The following PLEKHG1 variants were observed in gnomAD, a reference collection of about 807,000 sequenced individuals.
PLEKHG1 encodes the protein pleckstrin homology domain-containing family G member 1.
PLEKHG1 carries 44 observed loss-of-function variants against 100.8 expected under a neutral mutation model. The ratio of observed to expected loss-of-function variants is 0.44; its 90% CI spans 0.34 to 0.56. The LOEUF (loss-of-function observed/expected upper bound fraction) is 0.56, where lower values mean the gene tolerates loss of function less well. Among genes scored for constraint, PLEKHG1 ranks in the 20% least tolerant of loss-of-function variants. PLEKHG1 has a pLI of 0.01. For synonymous variants in PLEKHG1, 640 were observed against 662.5 expected, an observed-to-expected ratio of 0.97 and a Z score of 0.52; for missense variants, 1,545 against 1,720.9, an observed-to-expected ratio of 0.90 and a Z score of 1.81.
intron 3 of PLEKHG1, among the ~76,000 whole-genome samples, chr6:150,784,155 A>T (rs543504194): frequency 1.3e-5 from 2 of 152,358 alleles, no homozygotes; most frequent in South Asian, 2.1e-4. Context: ...GTTAGACCAC[A>T]CTTGGAGAAC....
Position 150,780,394 on chromosome 6 carries a change from G to A in PLEKHG1, c.513-5996G>A, listed in dbSNP as rs140923676. ...CTCCCAAAGTGTTGGGATTACAGGC[G>A]TGAGCCACTGCACCTGGCCCTCTGG... On this transcript the variant is annotated intron_variant, in intron 3 of 15. Coordinates refer to ENST00000358517, the Ensembl canonical transcript of PLEKHG1. Among the ~76,000 whole-genome samples, 37 of 152,148 alleles carry A rather than the reference G, an allele frequency of 2.4e-4. No individual in the cohort carries two copies. In the East Asian group the frequency reaches 3.9e-3, roughly 16 times the overall value.
At chr6:150,840,571 A>T in exon 16 of PLEKHG1, 1 of 1,614,218 alleles carries the variant, frequency 6.2e-7, no homozygotes, top group Non-Finnish European at 8.5e-7. Context: ...GGAGATGAAG[A>T]TGACTATGTG....
rs1776295036 is a variant in PLEKHG1, at chr6:150,600,457, C to T, written c.-204+440C>T. Among the ~76,000 whole-genome samples the T allele has an allele frequency of 6.6e-6, 1 of 152,144 alleles. No individual in the cohort carries two copies. Among genetic ancestry groups the T allele is most frequent in the South Asian group, 2.1e-4 (1 of 4,832 alleles). On this transcript the variant is annotated intron_variant, in intron 1 of 3. Transcript: ENST00000367326. The surrounding 1 kb of genome is among the most constrained non-coding windows in gnomAD (Gnocchi z 6.2). ...CCGACTCAGCAGGACAGCCCCAGAA[C>T]GGGACCCCACAGCCAGTCAGCTGGG...
rs1776638049 is a variant in PLEKHG1, at chr6:150,607,218, C to T, written c.-204+7201C>T. On this transcript the variant is annotated intron_variant, in intron 1 of 3. Transcript: ENST00000367326. The stretch of plus-strand genomic sequence containing the variant: ...TAGCCAGGATGATTTAAGGCCGTCT[C>T]TGACCTGTGACTAGCAAGCTGATTG... Among the ~76,000 whole-genome samples the T allele has an allele frequency of 2.0e-5, 3 of 152,154 alleles. No homozygotes were observed. The South Asian group carries it at 6.2e-4, about 32-fold the overall frequency.
exon 15 of PLEKHG1, chr6:150,832,123 G>A (rs776516678): frequency 1.1e-5 from 17 of 1,613,786 alleles, no homozygotes; most frequent in Non-Finnish European, 1.3e-5. Flanking sequence ...TGGAGCAGCC[G>A]CCGGCCAGTC....
chr6:150,629,430 G>A (rs1050134221), intron 1 of PLEKHG1, among the ~76,000 whole-genome samples: 1 of 151,930 alleles, frequency 6.6e-6, no homozygotes, highest in African/African-American at 2.4e-5. Flanking sequence ...TTTAAGACAT[G>A]TGACAAAGGA....
chr6:150,800,718 G>T lies in PLEKHG1; in HGVS notation c.630-1G>T. ...GATAAAAACATGGACTCTTCCTGCA[G>T]GTCCGTGGCTGTGCTAACAGAGTGT... On this transcript the variant is annotated splice_acceptor_variant, in intron 5 of 15. Transcript: ENST00000358517. LOFTEE classifies it high-confidence loss of function. 1.2e-6 allele frequency: 2 copies of T among 1,613,242 alleles called. No homozygotes were observed. Among genetic ancestry groups the T allele is most frequent in the Non-Finnish European group, 1.7e-6 (2 of 1,179,488 alleles).
chr6:150,673,015 A>G (rs1370630130), intron 3 of PLEKHG1, among the ~76,000 whole-genome samples: 1 of 152,222 alleles, frequency 6.6e-6, no homozygotes, highest in African/African-American at 2.4e-5. Flanking sequence ...TGCATTATAT[A>G]AACAAACACC....
At chr6:150,617,790 C>T (rs958806265) in intron 1 of PLEKHG1, among the ~76,000 whole-genome samples, 2 of 152,204 alleles carry the variant, frequency 1.3e-5, no homozygotes, top group African/African-American at 2.4e-5. Flanking sequence ...GGACATTTGA[C>T]AGACAAACCT....
chr6:150,663,439 T>C (rs370722807), intron 3 of PLEKHG1: 133 of 152,296 alleles, frequency 8.7e-4, no homozygotes, highest in African/African-American at 3.1e-3. Flanking sequence ...CTTAGATTTA[T>C]AGTGCAATGA....
chr6:150,832,885 C>G (rs374089481), intron 15 of PLEKHG1, among the ~76,000 whole-genome samples: 7 of 151,812 alleles, frequency 4.6e-5, no homozygotes, highest in African/African-American at 1.7e-4. Context: ...ACCATGTTGC[C>G]CAGGCTGGTC....
chr6:150,639,276 C>T (rs372064382), intron 2 of PLEKHG1, among the ~76,000 whole-genome samples: 87 of 152,156 alleles, frequency 5.7e-4, no homozygotes, highest in South Asian at 4.6e-3. Flanking sequence ...CTTATTAATG[C>T]ATTAATTTTT....
chr6:150,675,487 C>G (rs1332312474), intron 3 of PLEKHG1, among the ~76,000 whole-genome samples: 2 of 152,238 alleles, frequency 1.3e-5, no homozygotes, highest in Non-Finnish European at 2.9e-5. Context: ...GGAGATCCTC[C>G]CTACAACCTT....
Position 150,614,182 on chromosome 6 carries a change from A to G in PLEKHG1, c.-204+14165A>G, listed in dbSNP as rs571124232. Among the ~76,000 whole-genome samples the G allele has an allele frequency of 9.8e-5, 15 of 152,292 alleles. No homozygotes were observed. In the South Asian group the frequency reaches 3.1e-3, roughly 32 times the overall value. ...TGTGGCAGAGACGTACGATAGCTCT[A>G]ATGTTTATGAGTGCTGTAGAGCTAA... On this transcript the variant is annotated intron_variant, in intron 1 of 3. Transcript: ENST00000367326.
chr6:150,746,150 G>C (rs116469447), intron 2 of PLEKHG1, among the ~76,000 whole-genome samples: 1 of 152,098 alleles, frequency 6.6e-6, no homozygotes, highest in Non-Finnish European at 1.5e-5. Flanking sequence ...CTAGGTTGTC[G>C]GGAGCCTTCG....
intron 3 of PLEKHG1, chr6:150,663,094 G>A (rs1235860718): frequency 6.6e-6 from 1 of 152,120 alleles, no homozygotes; most frequent in African/African-American, 2.4e-5. Flanking sequence ...TTCCCCCATG[G>A]TCGTTCTTCT....
At chr6:150,726,785 C>T (rs1171910647) in intron 1 of PLEKHG1, among the ~76,000 whole-genome samples, 2 of 152,030 alleles carry the variant, frequency 1.3e-5, no homozygotes, top group Non-Finnish European at 2.9e-5. Flanking sequence ...CCTGGCCCTA[C>T]CATTAAACAG....
Position 150,618,534 on chromosome 6 carries a change from C to G in PLEKHG1, c.-204+18517C>G, listed in dbSNP as rs185253721. Among the ~76,000 whole-genome samples, 76 of 152,232 alleles carry G rather than the reference C, an allele frequency of 5.0e-4. 1 individual carries two copies. The highest frequency in any genetic ancestry group is 1.7e-3 in the African/African-American group (70 of 41,526). ...TGGGGAAGAGATGTGCAGTATTGCA[C>G]CGTTTGTCTAGTATCTCTACCACAT... On this transcript the variant is annotated intron_variant, in intron 1 of 3. Transcript: ENST00000367326.
intron 1 of PLEKHG1, among the ~76,000 whole-genome samples, chr6:150,727,747 A>G (rs1299376484): frequency 6.6e-6 from 1 of 152,216 alleles, no homozygotes; most frequent in Non-Finnish European, 1.5e-5. Flanking sequence ...GATTGATCAC[A>G]ATCCTCTAAG....
Sources: allele counts gnomAD v4.1 joint callset (sites outside exome capture counted in the v4.1 genomes callset), GRCh38; gene constraint gnomAD v4.1.1; non-coding constraint Gnocchi (gnomAD v3.1); transcripts MANE v1.5; gene names NCBI Gene and HGNC (gene_info 2026-07-23, HGNC 2026-07-21).